NUP107: variants seen among roughly 807,000 people sequenced by gnomAD.
NUP107 encodes the protein nucleoporin 107.
A neutral mutation model predicts 141.0 loss-of-function variants in NUP107; 101 were observed. That is an observed-to-expected ratio of 0.72 (90% CI 0.61 to 0.84). The LOEUF (loss-of-function observed/expected upper bound fraction) is 0.84, where lower values mean the gene tolerates loss of function less well. NUP107 is among the 40% of genes least tolerant of loss of function. The probability of loss-of-function intolerance (pLI) is 0.00; values close to 1 mark genes in which losing one functional copy is unlikely to be tolerated. For synonymous variants in NUP107, 319 were observed against 363.9 expected (o/e 0.88, Z 1.41); for missense variants, 941 against 1,102.7 (o/e 0.85, Z 2.08).
At chr12:68,734,903 C>T (rs1051960171) in intron 25 of NUP107, 70 bp downstream of exon 25, 8 of 1,491,828 alleles carry the variant, frequency 5.4e-6, no homozygotes, top group Middle Eastern at 1.8e-4. Flanking sequence ...TTAAAGAGAT[C>T]GTTTCTTCAG....
At chr12:68,719,243 A>G (rs1045007072) in intron 12 of NUP107, 98 bp from the exon 13 acceptor site, 3 of 838,134 alleles carry the variant, frequency 3.6e-6, no homozygotes, top group African/African-American at 3.4e-5. Context: ...TGGATGGAAC[A>G]TTTGTTCCAT....
chr12:68,735,376 C>A, intron 26 of NUP107, 32 bp downstream of exon 26: 1 of 1,403,716 alleles, frequency 7.1e-7, no homozygotes, highest in Non-Finnish European at 1.0e-6. Flanking sequence ...TAGCCAAAAA[C>A]CAAAACACTC....
At chr12:68,703,436 A>AT (rs2136010615) in intron 8 of NUP107, among the ~76,000 whole-genome samples, 1 of 151,688 alleles carries the variant, frequency 6.6e-6, no homozygotes, top group African/African-American at 2.4e-5. Flanking sequence ...TCATTTATAC[A>AT]TTATACTGAG....
At chr12:68,709,217 T>A in intron 8 of NUP107, 21 bp from the exon 9 acceptor site, 1 of 1,481,426 alleles carries the variant, frequency 6.8e-7, no homozygotes, top group Non-Finnish European at 9.3e-7. Context: ...CTGTTTATCC[T>A]TTTAATATTT....
chr12:68,698,593 C>T (rs1876180383), intron 6 of NUP107, among the ~76,000 whole-genome samples: 1 of 152,106 alleles, frequency 6.6e-6, no homozygotes, highest in Non-Finnish European at 1.5e-5. Context: ...AGCAGTGAAA[C>T]ATTATTCAAT....
chr12:68,716,064 T>C (rs967642248), intron 12 of NUP107, among the ~76,000 whole-genome samples: 5 of 151,866 alleles, frequency 3.3e-5, no homozygotes, highest in African/African-American at 4.8e-5. Flanking sequence ...TTTTTGTTTT[T>C]GTTTTTTTTT....
Position 68,710,008 on chromosome 12 carries a change from G to A in NUP107, c.805G>A (p.Val269Met), listed in dbSNP as rs773458740. 8 of 1,572,706 alleles carry A rather than the reference G, an allele frequency of 5.1e-6. No individual in the cohort carries two copies. In the African/African-American group the frequency reaches 5.4e-5, roughly 11 times the overall value. The change falls in exon 10 of 28, where the codon GTG becomes ATG. Residue 269 changes from valine to methionine, a missense_variant. Transcript: ENST00000229179. ...TATTTTTTTCTTTCTTTCTTAGCTG[G>A]TGGTAGATTGGTTAGAGAGTATTGC... is the stretch of plus-strand genomic sequence containing the variant. ...RDSLVRQSQL[V>M]VDWLESIAKD...
At chr12:68,698,119 A>T (rs1474773641) in intron 6 of NUP107, among the ~76,000 whole-genome samples, 1 of 152,134 alleles carries the variant, frequency 6.6e-6, no homozygotes, top group African/African-American at 2.4e-5. Context: ...CATACCTATT[A>T]GAATGATGAA....
At chr12:68,732,895 C>T (rs767263886) in intron 23 of NUP107, 156 bp downstream of exon 23, 20 of 445,086 alleles carry the variant, frequency 4.5e-5, no homozygotes, top group Admixed American at 7.5e-5. Context: ...GTTGCCTAGG[C>T]GGGTCTCGAA....
chr12:68,724,827 G>T (rs1877493149), intron 17 of NUP107, among the ~76,000 whole-genome samples: 1 of 151,944 alleles, frequency 6.6e-6, no homozygotes, highest in African/African-American at 2.4e-5. Context: ...AGCAAAAAAA[G>T]TAGTTAGAGG....
At chr12:68,729,449 T>A (rs189283435) in intron 20 of NUP107, among the ~76,000 whole-genome samples, 5 of 151,946 alleles carry the variant, frequency 3.3e-5, no homozygotes, top group East Asian at 1.9e-4. Flanking sequence ...TTTTATTTTT[T>A]TTTTTGAGAT....
intron 20 of NUP107, among the ~76,000 whole-genome samples, chr12:68,729,776 A>G (rs984415497): frequency 6.7e-6 from 1 of 149,134 alleles, no homozygotes; most frequent in Non-Finnish European, 1.5e-5. Flanking sequence ...TTTCTAGGCT[A>G]TTAATTTGTT....
chr12:68,733,755 G>C (rs781392289), intron 24 of NUP107, 143 bp downstream of exon 24: 1 of 703,450 alleles, frequency 1.4e-6, no homozygotes, highest in Non-Finnish European at 2.3e-6. Flanking sequence ...TCCACAAGGG[G>C]ACTGACTTCA....
At chr12:68,706,684 A>G (rs1876598189) in intron 8 of NUP107, 2 of 738,634 alleles carry the variant, frequency 2.7e-6, no homozygotes, top group South Asian at 2.8e-5. Context: ...GCCAACACCA[A>G]GCTGTCCAAG....
Position 68,709,458 on chromosome 12 carries a change from C to G in NUP107, c.801+149C>G, listed in dbSNP as rs575092640. ...ATTTGCAATTAAAAGGAATTAGAAACCTTATTCTTTGATTTTTAAGTAATA... is the reference window on the plus strand; with the variant it reads ...ATTTGCAATTAAAAGGAATTAGAAAGCTTATTCTTTGATTTTTAAGTAATA... On this transcript the variant is annotated intron_variant, in intron 9 of 27. Coordinates refer to ENST00000229179, the MANE Select transcript of NUP107 (RefSeq NM_020401.4). The G allele has an allele frequency of 1.4e-5, 7 of 499,526 alleles. No homozygotes were observed. In the East Asian group the frequency reaches 2.3e-4, roughly 16 times the overall value. 30.9% of individuals were successfully genotyped at this position (499,526 alleles called of 1,614,324 possible). A position where few individuals can be genotyped will look rare whatever the true frequency, so the allele number is the denominator to read the frequency against.
intron 12 of NUP107, among the ~76,000 whole-genome samples, chr12:68,718,701 A>G (rs555302933): frequency 7.9e-5 from 12 of 151,836 alleles, no homozygotes; most frequent in Non-Finnish European, 1.0e-4. Flanking sequence ...AGGCTGAGGT[A>G]GGGGGGATCC....
Position 68,702,777 on chromosome 12 carries a change from CA to C in NUP107, c.723del (p.Val242LeufsTer29). The C allele has an allele frequency of 6.6e-7, 1 of 1,518,388 alleles. No individual in the cohort carries two copies. The highest frequency in any genetic ancestry group is 1.3e-5 in the South Asian group (1 of 78,514). 94.1% of individuals were successfully genotyped at this position (1,518,388 alleles called of 1,614,324 possible). ...QSALEEESVF[A>X]VTAVNASEKT... The stretch of plus-strand genomic sequence containing the variant: ...GCATTAGAAGAGGAAAGTGTATTCG[CA>C]GTTACTGTAAGTTTTATATTAATTT... On this transcript the variant is annotated frameshift_variant, in exon 8 of 28. Coordinates refer to ENST00000229179, the MANE Select transcript of NUP107 (RefSeq NM_020401.4). LOFTEE classifies it high-confidence loss of function.
chr12:68,711,384 T>C (rs1359083087), intron 10 of NUP107, among the ~76,000 whole-genome samples: 1 of 148,952 alleles, frequency 6.7e-6, no homozygotes, highest in East Asian at 2.0e-4. Flanking sequence ...TAAAAGTAAC[T>C]CAGAAGGGAG....
At chr12:68,716,669 G>A (rs1358036126) in intron 12 of NUP107, among the ~76,000 whole-genome samples, 3 of 152,162 alleles carry the variant, frequency 2.0e-5, no homozygotes, top group Admixed American at 6.5e-5. Flanking sequence ...TTAAAAATGT[G>A]GGTGATAGTT....
Sources: allele counts gnomAD v4.1 joint callset (sites outside exome capture counted in the v4.1 genomes callset), GRCh38; gene constraint gnomAD v4.1.1; transcripts MANE v1.5; gene names NCBI Gene and HGNC (gene_info 2026-07-23, HGNC 2026-07-21).